Variants in UST observed in about 807,000 individuals in gnomAD.
The protein encoded by UST is uronyl 2-sulfotransferase.
A neutral mutation model predicts 45.6 loss-of-function variants in UST; 21 were observed. That is an observed-to-expected ratio of 0.46 (90% CI 0.33 to 0.66). The LOEUF is 0.66. Ranked by LOEUF, UST falls within the 30% of genes least tolerant of loss-of-function variation. The pLI is 0.02. For synonymous variants in UST, 215 were observed against 200.6 expected (o/e 1.07, Z -0.61); for missense variants, 463 against 512.4 (o/e 0.90, Z 0.93).
intron 5 of UST, among the ~76,000 whole-genome samples, chr6:148,987,991 A>G (rs1370920154): frequency 1.3e-5 from 2 of 152,106 alleles, no homozygotes; most frequent in Admixed American, 6.5e-5. Context: ...ACACACAGCT[A>G]GGGTTCTAAC....
At chr6:148,848,293 C>A (rs1440477560) in intron 1 of UST, among the ~76,000 whole-genome samples, 1 of 152,146 alleles carries the variant, frequency 6.6e-6, no homozygotes, top group Non-Finnish European at 1.5e-5. Context: ...TATAGTTATT[C>A]TACCCATTCT....
rs1777865967 is a variant in UST at position 148,840,379 on chromosome 6, C to A, written c.248-46607C>A. 2.0e-5 allele frequency among the ~76,000 whole-genome samples: 3 copies of A among 152,170 alleles called. No homozygotes were observed. The South Asian group carries it at 6.2e-4, about 32-fold the overall frequency. On this transcript the variant is annotated intron_variant, in intron 1 of 7. Transcript: ENST00000367463. Reference sequence around the variant, plus strand: ...GGGTTTGATTTACACGTTCAGTTTTCAGGCTACATTTGCTAGAATGCACCT... The same window carrying A: ...GGGTTTGATTTACACGTTCAGTTTTAAGGCTACATTTGCTAGAATGCACCT...
chr6:148,845,026 A>G (rs151181002), intron 1 of UST, among the ~76,000 whole-genome samples: 18 of 152,130 alleles, frequency 1.2e-4, no homozygotes, highest in African/African-American at 2.4e-4. Flanking sequence ...TCTCGATCCA[A>G]TCCTCCACTG....
At chr6:148,972,559 C>A (rs1424819222) in intron 5 of UST, among the ~76,000 whole-genome samples, 2 of 152,224 alleles carry the variant, frequency 1.3e-5, no homozygotes, top group Admixed American at 6.5e-5. Flanking sequence ...GTTTGCCTGA[C>A]CTGCTGTCTC....
At chr6:148,836,405 C>T (rs928517144) in intron 1 of UST, among the ~76,000 whole-genome samples, 2 of 152,162 alleles carry the variant, frequency 1.3e-5, no homozygotes, top group Non-Finnish European at 2.9e-5. Context: ...TTTCATAGGA[C>T]CTACTTGGCA....
chr6:148,844,867 A>C (rs1046833287), intron 1 of UST, among the ~76,000 whole-genome samples: 3 of 152,050 alleles, frequency 2.0e-5, no homozygotes, highest in Non-Finnish European at 4.4e-5. Flanking sequence ...TCCCACTTAC[A>C]GGTGAGAACA....
intron 1 of UST, among the ~76,000 whole-genome samples, chr6:148,772,799 T>G (rs1776457966): frequency 6.6e-6 from 1 of 152,134 alleles, no homozygotes; most frequent in African/African-American, 2.4e-5. Context: ...AGGGGGAAAT[T>G]CCAAATGAAC....
intron 1 of UST, among the ~76,000 whole-genome samples, chr6:148,835,305 A>G (rs1777766306): frequency 6.6e-6 from 1 of 152,184 alleles, no homozygotes; most frequent in Admixed American, 6.6e-5. Context: ...GCCATATAAT[A>G]TCAGGGACTT....
chr6:148,903,761 A>G (rs1326561052), intron 2 of UST, among the ~76,000 whole-genome samples: 1 of 152,128 alleles, frequency 6.6e-6, no homozygotes, highest in Admixed American at 6.5e-5. Flanking sequence ...TTCTGGTACT[A>G]CTGAACCACA....
At chr6:148,872,767 A>T (rs1408947451) in intron 1 of UST, among the ~76,000 whole-genome samples, 8 of 152,072 alleles carry the variant, frequency 5.3e-5, no homozygotes, top group Middle Eastern at 6.8e-3. Flanking sequence ...AGCTGTCTGC[A>T]CTCCCTGACT....
chr6:148,986,444 C>T (rs1206629478), intron 5 of UST, among the ~76,000 whole-genome samples: 3 of 152,178 alleles, frequency 2.0e-5, no homozygotes, highest in Non-Finnish European at 2.9e-5. Context: ...TCAGACTAAT[C>T]GAGTCAATTT....
rs149862386 is a variant in UST, at chr6:148,941,374, C to A, written c.387C>A (p.His129Gln). ...VLLLRILSEK[H>Q]GFNLVTSDIH... ...TTCTGAGAATCTTGTCGGAGAAGCACGGATTTAATTTGGTCACATCAGACA... is the reference window on the plus strand; with the variant it reads ...TTCTGAGAATCTTGTCGGAGAAGCAAGGATTTAATTTGGTCACATCAGACA... Residue 129 changes from histidine to glutamine, a missense_variant, in exon 3 of 8, where the codon CAC (histidine) becomes CAA (glutamine). This residue lies in a region of UST where 287 missense variants were observed against 374.2 expected (regional missense o/e 0.77). Coordinates refer to ENST00000367463, the MANE Select transcript of UST (RefSeq NM_005715.3). The A allele has an allele frequency of 6.2e-7, 1 of 1,612,150 alleles. No homozygotes were observed. The highest frequency in any genetic ancestry group is 1.3e-5 in the African/African-American group (1 of 74,776).
At chr6:148,817,917 C>T (rs1250058399) in intron 1 of UST, among the ~76,000 whole-genome samples, 1 of 152,134 alleles carries the variant, frequency 6.6e-6, no homozygotes, top group Non-Finnish European at 1.5e-5. Flanking sequence ...TTGTAATTTA[C>T]AGTATAGTCT....
chr6:148,910,134 C>CT (rs148286486), intron 2 of UST, among the ~76,000 whole-genome samples: 2,966 of 103,370 alleles, frequency 0.029, 125 homozygotes, highest in African/African-American at 0.062. Flanking sequence ...GCCTGGGATG[C>CT]TTTTTTTTTT....
At chr6:148,878,439 G>T (rs1778752695) in intron 1 of UST, among the ~76,000 whole-genome samples, 1 of 127,600 alleles carries the variant, frequency 7.8e-6, no homozygotes, top group Non-Finnish European at 1.6e-5. Flanking sequence ...TGAGTGTGGG[G>T]GATCGTGTAT....
intron 5 of UST, among the ~76,000 whole-genome samples, chr6:149,010,212 T>G (rs1286253118): frequency 6.6e-6 from 1 of 152,226 alleles, no homozygotes; most frequent in Non-Finnish European, 1.5e-5. Flanking sequence ...AATATTTTGT[T>G]ATAGAAATAG....
At chr6:148,941,045 A>G (rs1780116080) in intron 2 of UST, among the ~76,000 whole-genome samples, 1 of 152,232 alleles carries the variant, frequency 6.6e-6, no homozygotes, top group Non-Finnish European at 1.5e-5. Flanking sequence ...AGACTGCCTG[A>G]AATTTCATCA....
At chr6:148,747,719 A>C in intron 1 of UST, 42 bp downstream of exon 1, 4 of 1,534,014 alleles carry the variant, frequency 2.6e-6, no homozygotes, top group Non-Finnish European at 3.5e-6. Flanking sequence ...CCGACAGCGC[A>C]AAGTTGTGCG....
At chr6:148,836,589 C>CTT (rs1777790169) in intron 1 of UST, among the ~76,000 whole-genome samples, 1 of 152,184 alleles carries the variant, frequency 6.6e-6, no homozygotes, top group Admixed American at 6.5e-5. Flanking sequence ...GATTAGAACT[C>CTT]TAAGTTACAT....
Sources: gnomAD v4.1 joint callset for allele counts (sites outside exome capture counted in the v4.1 genomes callset) on GRCh38, gnomAD v4.1.1 for gene constraint, gnomAD v4.1.1 regional missense constraint, MANE v1.5 for transcripts, NCBI Gene and HGNC (gene_info 2026-07-23, HGNC 2026-07-21) for gene names.